PUS1: variants seen among roughly 807,000 people sequenced by gnomAD.
PUS1 encodes pseudouridine synthase 1.
PUS1 carries 25 observed loss-of-function variants against 38.5 expected under a neutral mutation model. The observed-to-expected ratio is 0.65, with a 90% CI of 0.47 to 0.91. PUS1 has a LOEUF of 0.91. Among genes scored for constraint, PUS1 ranks in the 40% least tolerant of loss-of-function variants. The pLI, the probability that PUS1 is intolerant of heterozygous loss-of-function variation, is 0.00. For synonymous variants in PUS1, 282 were observed against 260.4 expected, an observed-to-expected ratio of 1.08 and a Z score of -0.80; for missense variants, 597 against 612.3, an observed-to-expected ratio of 0.97 and a Z score of 0.26.
At chr12:131,938,418 C>T (rs1287571972) in intron 3 of PUS1, among the ~76,000 whole-genome samples, 1 of 152,132 alleles carries the variant, frequency 6.6e-6, no homozygotes, top group Non-Finnish European at 1.5e-5. Flanking sequence ...TGCACTCCAA[C>T]CTGGGTGACA....
At chr12:131,935,949 G>A (rs1386527723) in intron 3 of PUS1, among the ~76,000 whole-genome samples, 5 of 152,142 alleles carry the variant, frequency 3.3e-5, no homozygotes, top group Admixed American at 2.0e-4. Context: ...GGTGGCTCAC[G>A]CCTGTAATTC....
chr12:131,936,866 C>CA (rs113924882), intron 3 of PUS1, among the ~76,000 whole-genome samples: 3,030 of 133,798 alleles, frequency 0.023, 44 homozygotes, highest in Non-Finnish European at 0.026. Context: ...TCCAGCCTGG[C>CA]AAAAAAAAAA....
chr12:131,936,187 G>A (rs1890823242), intron 3 of PUS1, among the ~76,000 whole-genome samples: 2 of 151,634 alleles, frequency 1.3e-5, no homozygotes, highest in South Asian at 4.2e-4. Flanking sequence ...CTGCAGCCCG[G>A]GTGACAGAGT....
At position 131,929,697 on chromosome 12, in the gene PUS1, G is replaced by C. The variant is rs772354210; in HGVS notation, c.-26G>C. 1.9e-6 allele frequency: 3 copies of C among 1,562,296 alleles called. No individual in the cohort carries two copies. Among genetic ancestry groups the C allele is most frequent in the Non-Finnish European group, 2.6e-6 (3 of 1,161,628 alleles). On this transcript the variant is annotated 5_prime_UTR_variant, in exon 1 of 6. Transcript: ENST00000376649. ...GGGTCAGGGGTCGGGGATCAGGGCG[G>C]GGTCGGGTGCACTGGTAGCCTGCGC...
chr12:131,933,183 A>G (rs967405826), intron 3 of PUS1, among the ~76,000 whole-genome samples: 1 of 146,060 alleles, frequency 6.8e-6, no homozygotes, highest in South Asian at 2.2e-4. Flanking sequence ...GCACTCCACC[A>G]TGCCTGGCTA....
chr12:131,930,645 G>A (rs976411421), intron 2 of PUS1, among the ~76,000 whole-genome samples: 2 of 151,882 alleles, frequency 1.3e-5, no homozygotes, highest in African/African-American at 2.4e-5. Context: ...TTTTTGAGGC[G>A]TGGTCTCCCT....
At chr12:131,930,246 C>A in intron 2 of PUS1, 111 bp downstream of exon 2, 1 of 603,532 alleles carries the variant, frequency 1.7e-6, no homozygotes, top group Non-Finnish European at 2.5e-6. Context: ...GCCCAGGTAG[C>A]GGCGGGTCCG....
At chr12:131,940,659 C>G (rs1027673952) in intron 4 of PUS1, among the ~76,000 whole-genome samples, 4 of 152,132 alleles carry the variant, frequency 2.6e-5, no homozygotes, top group Admixed American at 6.5e-5. Context: ...CTCACTGCAA[C>G]CTCCACCTGC....
At position 131,932,315 on chromosome 12, in the gene PUS1, G is replaced by A. The variant is rs112532816; in HGVS notation, c.441+3G>A. 57 of 1,613,190 alleles carry A rather than the reference G, an allele frequency of 3.5e-5. 1 individual carries two copies. In the African/African-American group the frequency reaches 3.7e-4, roughly 11 times the overall value. On this transcript the variant is annotated splice_donor_region_variant and intron_variant, in intron 3 of 5. Transcript: ENST00000376649. Reference sequence around the variant, plus strand: ...AGCGCTGCGCCCGGACAGACAAGGTGGGTGGTGGCCTTCTCTGCCCCTCCC... The same window carrying A: ...AGCGCTGCGCCCGGACAGACAAGGTAGGTGGTGGCCTTCTCTGCCCCTCCC...
intron 5 of PUS1, 123 bp downstream of exon 5, chr12:131,942,106 AG>A: frequency 1.1e-6 from 1 of 930,664 alleles, no homozygotes; most frequent in Non-Finnish European, 1.7e-6. Flanking sequence ...CAGCTGCTGC[AG>A]GAGCAGGGGC....
Position 131,930,000 on chromosome 12 carries a change from C to T in PUS1, c.168C>T (p.Asp56=). The part of the protein sequence containing the change: ...RRSCSGRAGG[D]RVWEDGEHPA... ...CCTGCAGCGGCCGGGCCGGGGGCGA[C>T]CGCGTCTGGGAGGACGGAGAACATC... Residue 56 remains aspartate, a synonymous_variant, in exon 2 of 6, where the codon GAC becomes GAT. Coordinates refer to ENST00000376649, the MANE Select transcript of PUS1 (RefSeq NM_025215.6). The T allele has an allele frequency of 6.7e-7, 1 of 1,483,786 alleles. No homozygotes were observed. Among genetic ancestry groups the T allele is most frequent in the South Asian group, 1.4e-5 (1 of 73,376 alleles). 91.9% of individuals were successfully genotyped at this position (1,483,786 alleles called of 1,614,324 possible). A position where few individuals can be genotyped will look rare whatever the true frequency, so the allele number is the denominator to read the frequency against.
intron 3 of PUS1, chr12:131,934,587 C>T (rs776437538): frequency 6.6e-6 from 1 of 152,080 alleles, no homozygotes; most frequent in Non-Finnish European, 1.5e-5. Context: ...ATATCTATAT[C>T]CTATTTCTAG....
chr12:131,929,683 C>T lies in PUS1; in HGVS notation c.-40C>T, dbSNP rs1176913801. 10 of 1,211,608 alleles carry T rather than the reference C, an allele frequency of 8.3e-6. No individual in the cohort carries two copies. In the Admixed American group the frequency reaches 9.5e-5, roughly 11 times the overall value. 75.1% of individuals were successfully genotyped at this position (1,211,608 alleles called of 1,614,324 possible). ...AGCTGGGGCACTGGGGGTCAGGGGT[C>T]GGGGATCAGGGCGGGGTCGGGTGCA... On this transcript the variant is annotated 5_prime_UTR_variant, in exon 1 of 6. Transcript: ENST00000376649.
At position 131,932,249 on chromosome 12, in the gene PUS1, T is replaced by G. The variant is rs1215793177; in HGVS notation, c.378T>G (p.Ile126Met). 1 of 1,613,920 alleles carries G rather than the reference T, an allele frequency of 6.2e-7. No individual in the cohort carries two copies. The highest frequency in any genetic ancestry group is 8.5e-7 in the Non-Finnish European group (1 of 1,179,808). The change falls in exon 3 of 6, where the codon ATT becomes ATG. Residue 126 changes from isoleucine (I) to methionine (M), a missense_variant. By Grantham distance (10) the Ile-to-Met change is conservative. Transcript: ENST00000376649. ...CCGCCCTCGTCCGGTCAGGCTGTAT[T>G]CCTGAAAATCATGGTGAGGACATGA... ...LVSALVRSGC[I>M]PENHGEDMRK...
In PUS1 at chr12:131,944,778, C is replaced by T. The variant is rs1891230784; in HGVS notation, c.*1192C>T. On this transcript the variant is annotated 3_prime_UTR_variant, in exon 6 of 6. Coordinates refer to ENST00000376649, the MANE Select transcript of PUS1 (RefSeq NM_025215.6). ...GGAAAGGGTGCATCGCGGAACAGGC[C>T]CTTAGTGGAGCTTACTGGAAGACCC... 6.6e-6 allele frequency: 1 copy of T among 152,570 alleles called. No individual in the cohort carries two copies. Among genetic ancestry groups the T allele is most frequent in the Non-Finnish European group, 1.5e-5 (1 of 68,326 alleles). The allele number at this position is 152,570 out of a possible 1,614,324, so 9.5% of individuals were successfully genotyped here. A position where few individuals can be genotyped will look rare whatever the true frequency, so the allele number is the denominator to read the frequency against.
At chr12:131,935,829 G>T (rs1428573306) in intron 3 of PUS1, among the ~76,000 whole-genome samples, 2 of 151,920 alleles carry the variant, frequency 1.3e-5, no homozygotes, top group African/African-American at 2.4e-5. Flanking sequence ...CCCCGTGCCC[G>T]GCCTATTGTT....
At chr12:131,936,580 CAAAAG>C (rs1890845891) in intron 3 of PUS1, among the ~76,000 whole-genome samples, 1 of 140,160 alleles carries the variant, frequency 7.1e-6, no homozygotes, top group Non-Finnish European at 1.5e-5. Context: ...CAAAACAAAA[CAAAAG>C]AAACAAAAAG....
At chr12:131,931,971 C>A in intron 2 of PUS1, 1 of 665,388 alleles carries the variant, frequency 1.5e-6, no homozygotes, top group South Asian at 1.6e-5. Context: ...CCACACTACC[C>A]ACCCCCTAGC....
intron 3 of PUS1, among the ~76,000 whole-genome samples, chr12:131,938,346 G>A (rs1398434944): frequency 6.6e-6 from 1 of 152,154 alleles, no homozygotes; most frequent in Admixed American, 6.5e-5. Flanking sequence ...TTGGGAGGCT[G>A]GGGTGGGAGG....
Sources: allele counts gnomAD v4.1 joint callset (sites outside exome capture counted in the v4.1 genomes callset), GRCh38; gene constraint gnomAD v4.1.1; transcripts MANE v1.5; gene names NCBI Gene and HGNC (gene_info 2026-07-23, HGNC 2026-07-21).